The following CPA6 variants were observed in gnomAD, a reference collection of about 807,000 sequenced individuals.
The protein encoded by CPA6 is carboxypeptidase B.
A neutral mutation model predicts 63.3 loss-of-function variants in CPA6; 58 were observed. That is an observed-to-expected ratio of 0.92 (90% CI 0.74 to 1.14). The LOEUF is 1.14. CPA6 is among the 50% of genes most tolerant of loss of function. CPA6 has a pLI of 0.00. For missense variants in CPA6, 565 were observed against 526.6 expected, an observed-to-expected ratio of 1.07 and a Z score of -0.71; for synonymous variants, 185 against 179.0, an observed-to-expected ratio of 1.03 and a Z score of -0.27.
chr8:67,593,009 C>T lies in CPA6; in HGVS notation c.192+31167G>A, dbSNP rs1179848372. Among the ~76,000 whole-genome samples the T allele has an allele frequency of 3.3e-5, 5 of 150,262 alleles. No homozygotes were observed. In the East Asian group the frequency reaches 9.7e-4, roughly 29 times the overall value. On this transcript the variant is annotated intron_variant, in intron 2 of 10. Transcript: ENST00000297770. ...CAATTTTGGATCTTTCCTGCTTTCT[C>T]TTGTGGGCATTTAGTGCTATAAATT...
intron 1 of CPA6, among the ~76,000 whole-genome samples, chr8:67,626,359 T>G (rs900060046): frequency 6.6e-6 from 1 of 152,214 alleles, no homozygotes; most frequent in Non-Finnish European, 1.5e-5. Context: ...GTTTTATTAT[T>G]TCAAATGATC....
At chr8:67,437,575 A>G (rs1032982958) in intron 8 of CPA6, among the ~76,000 whole-genome samples, 1 of 152,208 alleles carries the variant, frequency 6.6e-6, no homozygotes, top group Admixed American at 6.5e-5. Context: ...AGAATTTACA[A>G]TAATCCTAAC....
At chr8:67,484,172 C>T (rs1457376739) in intron 7 of CPA6, among the ~76,000 whole-genome samples, 2 of 152,098 alleles carry the variant, frequency 1.3e-5, no homozygotes, top group Non-Finnish European at 2.9e-5. Flanking sequence ...CGGGTTCACA[C>T]CATTCTCCTG....
At chr8:67,668,526 G>A (rs1816278732) in intron 1 of CPA6, among the ~76,000 whole-genome samples, 1 of 152,144 alleles carries the variant, frequency 6.6e-6, no homozygotes, top group South Asian at 2.1e-4. Flanking sequence ...TTTAATAGCT[G>A]CTCTCCAGTT....
chr8:67,743,990 A>G (rs1290515327), intron 1 of CPA6, among the ~76,000 whole-genome samples: 1 of 152,232 alleles, frequency 6.6e-6, no homozygotes, highest in Non-Finnish European at 1.5e-5. Context: ...AAAAACTGCT[A>G]AATACTCTTC....
intron 8 of CPA6, among the ~76,000 whole-genome samples, chr8:67,448,551 C>T (rs909486078): frequency 6.8e-6 from 1 of 147,276 alleles, no homozygotes; most frequent in Non-Finnish European, 1.5e-5. Context: ...AGTATCACCT[C>T]ACCCCAGAAA....
chr8:67,738,860 C>T (rs1817862408), intron 1 of CPA6, among the ~76,000 whole-genome samples: 2 of 152,330 alleles, frequency 1.3e-5, no homozygotes, highest in South Asian at 2.1e-4. Flanking sequence ...CAGTTATCTA[C>T]TGATTGATCA....
rs1179314590 is a variant in CPA6 at position 67,594,253 on chromosome 8, G to A, written c.192+29923C>T. ...TTGTAGAGTTTCTGCCGAGAGATCCGCTGTTAGTCTGATGGGCTTCCCTTT... is the reference window on the plus strand; with the variant it reads ...TTGTAGAGTTTCTGCCGAGAGATCCACTGTTAGTCTGATGGGCTTCCCTTT... On this transcript the variant is annotated intron_variant, in intron 2 of 10. Coordinates refer to ENST00000297770, the MANE Select transcript of CPA6 (RefSeq NM_020361.5). 4.0e-4 allele frequency among the ~76,000 whole-genome samples: 61 copies of A among 152,200 alleles called. 1 individual carries two copies. Among genetic ancestry groups the A allele is most frequent in the Non-Finnish European group, 3.5e-4 (24 of 68,018 alleles).
chr8:67,535,143 T>C (rs1453930205), intron 2 of CPA6, among the ~76,000 whole-genome samples: 4 of 152,194 alleles, frequency 2.6e-5, no homozygotes, highest in Non-Finnish European at 5.9e-5. Context: ...GGGTTGCTAT[T>C]GGGAATAGTG....
chr8:67,613,363 T>A (rs1814859710), intron 2 of CPA6, among the ~76,000 whole-genome samples: 2 of 152,180 alleles, frequency 1.3e-5, no homozygotes, highest in Admixed American at 1.3e-4. Context: ...CAAGCAATAT[T>A]TGTTGACTGT....
In CPA6 at chr8:67,686,239, C is replaced by T. The variant is rs1816706613; in HGVS notation, c.116+59775G>A. ...ATAACCCCCTCCTAATTGCTGACCTCTGTCATCAAGCAGTGCCTTGGCCCA... is the reference window on the plus strand; with the variant it reads ...ATAACCCCCTCCTAATTGCTGACCTTTGTCATCAAGCAGTGCCTTGGCCCA... On this transcript the variant is annotated intron_variant, in intron 1 of 10. Coordinates refer to ENST00000297770, the MANE Select transcript of CPA6 (RefSeq NM_020361.5). 2.6e-5 allele frequency among the ~76,000 whole-genome samples: 4 copies of T among 152,198 alleles called. No individual in the cohort carries two copies. The South Asian group carries it at 8.3e-4, about 32-fold the overall frequency.
intron 8 of CPA6, among the ~76,000 whole-genome samples, chr8:67,448,355 GT>G (rs1563957011): frequency 2.0e-5 from 3 of 151,886 alleles, no homozygotes; most frequent in Non-Finnish European, 2.9e-5. Flanking sequence ...AATGGCTTTT[GT>G]TTTTTTGGTC....
chr8:67,727,696 CT>C (rs1817624205), intron 1 of CPA6, among the ~76,000 whole-genome samples: 1 of 152,202 alleles, frequency 6.6e-6, no homozygotes, highest in African/African-American at 2.4e-5. Context: ...AATAAGACAA[CT>C]TTTGTTCACA....
intron 8 of CPA6, among the ~76,000 whole-genome samples, chr8:67,444,232 C>T (rs1033180846): frequency 3.3e-5 from 5 of 151,908 alleles, no homozygotes; most frequent in African/African-American, 4.8e-5. Context: ...TCGTGATCTG[C>T]CCGCCTCGGC....
intron 1 of CPA6, among the ~76,000 whole-genome samples, chr8:67,651,122 T>G (rs1409212130): frequency 1.3e-5 from 2 of 152,176 alleles, no homozygotes; most frequent in Non-Finnish European, 2.9e-5. Context: ...CATAAGGAAT[T>G]TACATGAAAC....
At chr8:67,673,189 A>G (rs1258379501) in intron 1 of CPA6, among the ~76,000 whole-genome samples, 1 of 151,904 alleles carries the variant, frequency 6.6e-6, no homozygotes, top group African/African-American at 2.4e-5. Context: ...TCTTACATTC[A>G]CCTCTCTTCT....
At chr8:67,442,598 T>C (rs1012656178) in intron 8 of CPA6, among the ~76,000 whole-genome samples, 1 of 152,152 alleles carries the variant, frequency 6.6e-6, no homozygotes, top group East Asian at 1.9e-4. Flanking sequence ...ACATAAAACG[T>C]GAGTCAGAGA....
At chr8:67,525,609 G>A (rs1431654961) in intron 2 of CPA6, among the ~76,000 whole-genome samples, 3 of 151,894 alleles carry the variant, frequency 2.0e-5, no homozygotes, top group Admixed American at 2.0e-4. Flanking sequence ...TAATGGGATA[G>A]CATCTCTCAT....
chr8:67,632,494 A>T (rs917436351), intron 1 of CPA6, among the ~76,000 whole-genome samples: 1 of 152,070 alleles, frequency 6.6e-6, no homozygotes, highest in Non-Finnish European at 1.5e-5. Context: ...AATTTTTTTT[A>T]GAGATTTTTT....
Sources: allele counts gnomAD v4.1 joint callset (sites outside exome capture counted in the v4.1 genomes callset), GRCh38; gene constraint gnomAD v4.1.1; transcripts MANE v1.5; gene names NCBI Gene and HGNC (gene_info 2026-07-23, HGNC 2026-07-21).